The following GLYATL1 variants were observed in gnomAD, a reference collection of about 807,000 sequenced individuals.
The protein encoded by GLYATL1 is glycine N-acyltransferase-like protein 1.
GLYATL1 carries 15 observed loss-of-function variants against 20.0 expected under a neutral mutation model. The observed-to-expected ratio is 0.75, with a 90% CI of 0.50 to 1.15. The LOEUF is 1.15. Ranked by LOEUF, GLYATL1 falls within the 50% of genes most tolerant of loss-of-function variation. The pLI is 0.00. For synonymous variants in GLYATL1, 151 were observed against 131.5 expected (o/e 1.15, Z -1.01); for missense variants, 380 against 368.5 (o/e 1.03, Z -0.26).
intron 4 of GLYATL1, among the ~76,000 whole-genome samples, chr11:58,952,654 A>G (rs1330162398): frequency 6.6e-6 from 1 of 152,214 alleles, no homozygotes. Flanking sequence ...GACAGATTCC[A>G]TCATCCTGGT....
At chr11:58,948,002 GT>G in intron 4 of GLYATL1, 37 bp downstream of exon 4, 1 of 1,406,656 alleles carries the variant, frequency 7.1e-7, no homozygotes, top group Non-Finnish European at 1.0e-6. Context: ...AGCCAGGCAG[GT>G]CCACAGGGCC....
At chr11:58,918,252 C>T (rs777422920) in intron 1 of GLYATL1, among the ~76,000 whole-genome samples, 1 of 152,196 alleles carries the variant, frequency 6.6e-6, no homozygotes, top group Non-Finnish European at 1.5e-5. Flanking sequence ...TTTAAATCCA[C>T]CAAAGAATGA....
intron 1 of GLYATL1, among the ~76,000 whole-genome samples, chr11:58,921,707 G>T (rs1441014301): frequency 6.6e-6 from 1 of 152,110 alleles, no homozygotes; most frequent in Non-Finnish European, 1.5e-5. Context: ...GAGGTCTGCC[G>T]CTGGCTAATC....
intron 4 of GLYATL1, 120 bp downstream of exon 4, chr11:58,948,085 C>T: frequency 2.9e-6 from 2 of 689,828 alleles, no homozygotes; most frequent in South Asian, 3.2e-5. Flanking sequence ...TTTTAAAACA[C>T]TCCTTCAGTA....
At chr11:58,941,262 T>C (rs1302778962) in intron 1 of GLYATL1, among the ~76,000 whole-genome samples, 1 of 141,054 alleles carries the variant, frequency 7.1e-6, no homozygotes, top group African/African-American at 2.6e-5. Flanking sequence ...CATTGTTCAA[T>C]TCCCATCTAT....
chr11:58,914,574 T>G (rs1377487719), intron 1 of GLYATL1, among the ~76,000 whole-genome samples: 1 of 152,136 alleles, frequency 6.6e-6, no homozygotes, highest in African/African-American at 2.4e-5. Context: ...GATCAAAAAA[T>G]GGTAGACAAA....
At chr11:58,955,492 A>G in intron 6 of GLYATL1, 118 bp from the exon 7 acceptor site, 1 of 1,391,264 alleles carries the variant, frequency 7.2e-7, no homozygotes, top group East Asian at 2.3e-5. Context: ...AAGATCCAAA[A>G]CTTTGCAATG....
intron 1 of GLYATL1, 169 bp from the exon 2 acceptor site, chr11:58,943,374 T>C: frequency 6.5e-7 from 1 of 1,544,626 alleles, no homozygotes; most frequent in Non-Finnish European, 8.7e-7. Context: ...GATTTCTGGT[T>C]CCTGTACATC....
chr11:58,929,602 G>GTT (rs1370853138), intron 1 of GLYATL1, among the ~76,000 whole-genome samples: 1 of 152,136 alleles, frequency 6.6e-6, no homozygotes, highest in East Asian at 1.9e-4. Context: ...AAATTATGAT[G>GTT]TTTTTTTCTA....
exon 1 of GLYATL1, chr11:58,905,566 C>T (rs1255107163): frequency 2.2e-6 from 1 of 456,298 alleles, no homozygotes; most frequent in Admixed American, 2.3e-5. Context: ...CCCATACCCA[C>T]CCGGCTGCCG....
downstream of GLYATL1, among the ~76,000 whole-genome samples, chr11:58,909,286 T>C (rs1481768490): frequency 6.6e-6 from 1 of 152,200 alleles, no homozygotes; most frequent in Non-Finnish European, 1.5e-5. Context: ...AGTTTCCTTA[T>C]ACAAGGTGAA....
chr11:58,949,545 T>C (rs985988464), intron 4 of GLYATL1, among the ~76,000 whole-genome samples: 1 of 152,240 alleles, frequency 6.6e-6, no homozygotes, highest in Non-Finnish European at 1.5e-5. Flanking sequence ...GTAGTTATTA[T>C]ATGTATTTTA....
At chr11:58,925,931 C>T (rs569168745), upstream of GLYATL1, among the ~76,000 whole-genome samples, 2 of 152,240 alleles carry the variant, frequency 1.3e-5, no homozygotes, top group South Asian at 2.1e-4. Flanking sequence ...CTGGCATAAG[C>T]TGGTCCATTA....
chr11:58,920,067 T>C (rs1300071382), intron 1 of GLYATL1, among the ~76,000 whole-genome samples: 1 of 152,146 alleles, frequency 6.6e-6, no homozygotes, highest in African/African-American at 2.4e-5. Flanking sequence ...GAGGCATAGC[T>C]AAGGCTTTCT....
At chr11:58,939,239 G>T (rs538678), upstream of GLYATL1, among the ~76,000 whole-genome samples, 49,324 of 151,990 alleles carry the variant, frequency 0.32, 8,529 homozygotes, top group Non-Finnish European at 0.39. Context: ...TCCTTAGGTC[G>T]CCTGAGTTCC....
intron 4 of GLYATL1, among the ~76,000 whole-genome samples, 186 bp downstream of exon 4, chr11:58,948,151 C>T (rs541312): frequency 0.037 from 5,643 of 152,148 alleles, 329 homozygotes; most frequent in African/African-American, 0.12. Context: ...AGCATAGGAC[C>T]CTTCTGGGAA....
At chr11:58,931,336 G>A (rs1156646756) in intron 1 of GLYATL1, among the ~76,000 whole-genome samples, 1 of 152,132 alleles carries the variant, frequency 6.6e-6, no homozygotes, top group Non-Finnish European at 1.5e-5. Context: ...TTTTAACTAA[G>A]TTTATCAAGA....
chr11:58,953,070 C>A (rs966768233), intron 4 of GLYATL1, among the ~76,000 whole-genome samples: 2 of 152,228 alleles, frequency 1.3e-5, no homozygotes, highest in East Asian at 1.9e-4. Context: ...AAACTTGATA[C>A]ATATATTTTT....
intron 1 of GLYATL1, chr11:58,907,121 T>A (rs1354158531): frequency 5.6e-6 from 2 of 358,946 alleles, no homozygotes; most frequent in Non-Finnish European, 1.1e-5. Flanking sequence ...TTAGGGTGGT[T>A]CTTTCCTGGC....
Sources: allele counts gnomAD v4.1 joint callset (sites outside exome capture counted in the v4.1 genomes callset), GRCh38; gene constraint gnomAD v4.1.1; transcripts MANE v1.5; gene names NCBI Gene and HGNC (gene_info 2026-07-23, HGNC 2026-07-21).